RALGAPB: variants seen among roughly 807,000 people sequenced by gnomAD.
RALGAPB encodes the protein ral GTPase-activating protein subunit beta.
A neutral mutation model predicts 161.1 loss-of-function variants in RALGAPB; 25 were observed. The ratio of observed to expected loss-of-function variants is 0.16; its 90% CI spans 0.11 to 0.22. RALGAPB has a LOEUF of 0.22. Among genes scored for constraint, RALGAPB ranks in the 10% least tolerant of loss-of-function variants. The probability of loss-of-function intolerance (pLI) is 1.00; values close to 1 mark genes in which losing one functional copy is unlikely to be tolerated. For synonymous variants in RALGAPB, 629 were observed against 626.1 expected, an observed-to-expected ratio of 1.00 and a Z score of -0.07; for missense variants, 1,391 against 1,815.2, an observed-to-expected ratio of 0.77 and a Z score of 4.25.
chr20:38,553,769 C>T (rs1337192456), intron 21 of RALGAPB, 98 bp from the exon 22 acceptor site: 6 of 830,208 alleles, frequency 7.2e-6, no homozygotes, highest in Admixed American at 7.2e-5. Flanking sequence ...CAACATAGAG[C>T]CCAGTCTCAA....
At chr20:38,552,360 C>T (rs764610938) in intron 21 of RALGAPB, among the ~76,000 whole-genome samples, 7 of 152,118 alleles carry the variant, frequency 4.6e-5, no homozygotes, top group Non-Finnish European at 5.9e-5. Flanking sequence ...AAGCCGGTCT[C>T]GAACTCCTGA....
chr20:38,508,807 A>G (rs1252551822), intron 5 of RALGAPB, among the ~76,000 whole-genome samples: 1 of 152,174 alleles, frequency 6.6e-6, no homozygotes. Flanking sequence ...ATAGTTGTAC[A>G]TATTTGTGGA....
At chr20:38,520,450 A>G (rs2086253289) in intron 9 of RALGAPB, among the ~76,000 whole-genome samples, 2 of 151,454 alleles carry the variant, frequency 1.3e-5, no homozygotes, top group African/African-American at 4.9e-5. Context: ...ATCTGCCTGA[A>G]TCAGTCCCAT....
At chr20:38,497,322 C>A in intron 3 of RALGAPB, 31 bp from the exon 4 acceptor site, 1 of 1,604,904 alleles carries the variant, frequency 6.2e-7, no homozygotes, top group Non-Finnish European at 8.5e-7. Flanking sequence ...CTCCTCCAGG[C>A]TTGTCAGTGA....
intron 13 of RALGAPB, among the ~76,000 whole-genome samples, chr20:38,530,966 C>CT (rs962596262): frequency 2.7e-5 from 4 of 149,166 alleles, no homozygotes; most frequent in African/African-American, 7.4e-5. Flanking sequence ...CTCCAAAAAA[C>CT]TTTCTAACAT....
At chr20:38,496,110 T>G (rs926166118) in intron 3 of RALGAPB, among the ~76,000 whole-genome samples, 6 of 152,178 alleles carry the variant, frequency 3.9e-5, no homozygotes, top group Non-Finnish European at 8.8e-5. Flanking sequence ...TAGATCCACC[T>G]TTACTAGATC....
chr20:38,495,174 C>G (rs1225261092), intron 3 of RALGAPB, among the ~76,000 whole-genome samples: 2 of 152,180 alleles, frequency 1.3e-5, no homozygotes, highest in Non-Finnish European at 2.9e-5. Context: ...AAACTGTCAT[C>G]TAAGTTTACT....
At chr20:38,552,609 C>G (rs996583130) in intron 21 of RALGAPB, among the ~76,000 whole-genome samples, 5 of 151,950 alleles carry the variant, frequency 3.3e-5, no homozygotes, top group African/African-American at 1.2e-4. Flanking sequence ...AGAGTCTAGT[C>G]TAGAAAAGAG....
Position 38,554,073 on chromosome 20 carries a change from G to A in RALGAPB, c.3369G>A (p.Leu1123=). The part of the protein sequence containing the change: ...SHFGFLSLEA[L]KEPANSRLPP... ...TTGGATTTTTGTCCTTAGAAGCACT[G>A]AAGGTAATTTTCATGAACTTTTATG... Residue 1123 remains leucine, a synonymous_variant, in exon 22 of 30, where the codon CTG becomes CTA. Coordinates refer to ENST00000262879, the MANE Select transcript of RALGAPB (RefSeq NM_020336.4). 1 of 1,592,192 alleles carries A rather than the reference G, an allele frequency of 6.3e-7. No homozygotes were observed. The highest frequency in any genetic ancestry group is 8.6e-7 in the Non-Finnish European group (1 of 1,160,534).
intron 13 of RALGAPB, among the ~76,000 whole-genome samples, chr20:38,529,691 A>G (rs1430542724): frequency 2.0e-5 from 3 of 151,742 alleles, no homozygotes; most frequent in Admixed American, 1.3e-4. Context: ...AAGAAAAAAA[A>G]AATTAGCCAG....
intron 22 of RALGAPB, among the ~76,000 whole-genome samples, chr20:38,557,181 AT>A (rs1335672351): frequency 1.3e-5 from 2 of 152,206 alleles, no homozygotes; most frequent in Admixed American, 1.3e-4. Context: ...CAAAACAAAA[AT>A]GCATTTTTGA....
intron 18 of RALGAPB, among the ~76,000 whole-genome samples, chr20:38,544,593 G>A (rs1008502258): frequency 1.3e-5 from 2 of 152,010 alleles, no homozygotes; most frequent in African/African-American, 2.4e-5. Flanking sequence ...TCAGCTTCCC[G>A]AGTACCTGGG....
In RALGAPB at chr20:38,516,381, T is replaced by C; in HGVS notation, c.1051+11T>C. 3 of 1,610,208 alleles carry C rather than the reference T, an allele frequency of 1.9e-6. No individual in the cohort carries two copies. Among genetic ancestry groups the C allele is most frequent in the Non-Finnish European group, 1.7e-6 (2 of 1,177,442 alleles). ...TGGATGCATTCTTAGGTGAATTTTG[T>C]GTATGTTGCTAGATGTATGAAGAGC... On this transcript the variant is annotated intron_variant, in intron 7 of 29. Transcript: ENST00000262879.
Position 38,525,515 on chromosome 20 carries a change from T to C in RALGAPB, c.1899T>C (p.Ser633=). 1.3e-6 allele frequency: 2 copies of C among 1,589,100 alleles called. No individual in the cohort carries two copies. Among genetic ancestry groups the C allele is most frequent in the Non-Finnish European group, 8.6e-7 (1 of 1,159,796 alleles). Residue 633 remains serine, a synonymous_variant, in exon 12 of 30, where the codon TCT becomes TCC. Coordinates refer to ENST00000262879, the MANE Select transcript of RALGAPB (RefSeq NM_020336.4). The part of the protein sequence containing the change: ...PLPHHFGTVK[S]EVVLEGKFSN... ...CTCATCATTTTGGCACAGTCAAATC[T>C]GAGGTAATGTTTTGTTAAAGTTTTT...
intron 1 of RALGAPB, among the ~76,000 whole-genome samples, chr20:38,488,061 A>T (rs186805019): frequency 2.9e-4 from 44 of 151,580 alleles, no homozygotes; most frequent in Admixed American, 5.2e-4. Context: ...ACTTCGTCTC[A>T]AAAAAGAAAA....
intron 18 of RALGAPB, among the ~76,000 whole-genome samples, chr20:38,541,906 G>A (rs1280845181): frequency 6.6e-6 from 1 of 152,164 alleles, no homozygotes; most frequent in Non-Finnish European, 1.5e-5. Flanking sequence ...CAGAGTACAG[G>A]GTGGGTAAAA....
At chr20:38,528,345 TTTTA>T (rs55916951) in intron 13 of RALGAPB, among the ~76,000 whole-genome samples, 3,285 of 147,312 alleles carry the variant, frequency 0.022, 49 homozygotes, top group East Asian at 0.056. Flanking sequence ...TTCATTTTAT[TTTTA>T]TTTATTTATT....
intron 27 of RALGAPB, 27 bp from the exon 28 acceptor site, chr20:38,570,742 A>T: frequency 7.1e-7 from 1 of 1,413,480 alleles, no homozygotes; most frequent in Non-Finnish European, 1.0e-6. Flanking sequence ...GGGAGATATT[A>T]ATTGTAATGC....
chr20:38,541,281 A>C, intron 18 of RALGAPB, 89 bp downstream of exon 18: 4 of 1,297,718 alleles, frequency 3.1e-6, no homozygotes, highest in Non-Finnish European at 3.1e-6. Flanking sequence ...CTGATTGTTC[A>C]GCATTGCGTG....
Sources: allele counts gnomAD v4.1 joint callset (sites outside exome capture counted in the v4.1 genomes callset), GRCh38; gene constraint gnomAD v4.1.1; transcripts MANE v1.5; gene names NCBI Gene and HGNC (gene_info 2026-07-23, HGNC 2026-07-21).